MAN2B2: variants seen among roughly 807,000 people sequenced by gnomAD.
The protein encoded by MAN2B2 is mannosidase alpha class 2B member 2.
In MAN2B2, 106 loss-of-function variants were observed where a neutral mutation model predicts 117.1. The observed-to-expected ratio is 0.90, with a 90% CI of 0.77 to 1.06. The LOEUF is 1.06. MAN2B2 is among the 50% of genes least tolerant of loss of function. MAN2B2 has a pLI of 0.00. For synonymous variants in MAN2B2, 544 were observed against 595.1 expected (o/e 0.91, Z 1.25); for missense variants, 1,326 against 1,381.4 (o/e 0.96, Z 0.64).
intron 3 of MAN2B2, among the ~76,000 whole-genome samples, chr4:6,579,447 TCACCACCACCCTTCACCAC>T (rs1726337380): frequency 1.1e-5 from 1 of 95,218 alleles, no homozygotes; most frequent in Non-Finnish European, 2.1e-5. Context: ...CCCTTCACCA[TCACCACCACCCTTCACCAC>T]CACAATGACC....
intron 18 of MAN2B2, 103 bp from the exon 19 acceptor site, chr4:6,621,085 A>G: frequency 1.3e-6 from 1 of 782,290 alleles, no homozygotes; most frequent in Non-Finnish European, 2.2e-6. Flanking sequence ...GGTGAGAGGG[A>G]GGCTGGGAGC....
chr4:6,609,952 A>G lies in MAN2B2; in HGVS notation c.2161A>G (p.Thr721Ala), dbSNP rs769513954. 2.5e-6 allele frequency: 4 copies of G among 1,614,068 alleles called. No homozygotes were observed. The highest frequency in any genetic ancestry group is 3.4e-6 in the Non-Finnish European group (4 of 1,180,040). The change falls in exon 13 of 19, where the codon ACC becomes GCC. Residue 721 changes from threonine (T) to alanine (A), a missense_variant. Transcript: ENST00000285599. ...LNREAVLRTS[T>A]NLNSQQVIYS... ...CCGTGAGGCTGTCCTGAGGACCAGC[A>G]CCAACCTAAACAGCCAGCAGGTCAT...
chr4:6,609,886 C>T lies in MAN2B2; in HGVS notation c.2095C>T (p.Arg699Trp), dbSNP rs370321623. Residue 699 changes from arginine to tryptophan, a missense_variant, in exon 13 of 19, where the codon CGG becomes TGG. Coordinates refer to ENST00000285599, the MANE Select transcript of MAN2B2 (RefSeq NM_015274.3). ...CCATGACGGGGAGCTGCTCTGCCAC[C>T]GGATAGAGCAGGAGTACCAAGCCGG... ...QGHDGELLCH[R>W]IEQEYQAGPL... The T allele has an allele frequency of 1.7e-5, 28 of 1,614,006 alleles. No individual in the cohort carries two copies. The East Asian group carries it at 2.7e-4, about 15-fold the overall frequency.
At chr4:6,619,182 G>A (rs1712040308) in intron 17 of MAN2B2, 1 of 152,298 alleles carries the variant, frequency 6.6e-6, no homozygotes, top group Admixed American at 6.5e-5. Flanking sequence ...GATGTGCTTA[G>A]AACAGAGGAC....
At chr4:6,588,193 T>C (rs944665530) in intron 4 of MAN2B2, among the ~76,000 whole-genome samples, 1 of 152,146 alleles carries the variant, frequency 6.6e-6, no homozygotes, top group Non-Finnish European at 1.5e-5. Flanking sequence ...TTCTGGAGGC[T>C]GGAAGTCCAG....
At position 6,593,351 on chromosome 4, in the gene MAN2B2, G is replaced by C. The variant is rs918353256; in HGVS notation, c.858+1G>C. 1.9e-6 allele frequency: 3 copies of C among 1,610,522 alleles called. No individual in the cohort carries two copies. Among genetic ancestry groups the C allele is most frequent in the Admixed American group, 1.7e-5 (1 of 59,580 alleles). ...GACACCGCACGTCCTCTGGCCCTGG[G>C]TAAGGCAGAGTCCCAGGTGCTGTGC... On this transcript the variant is annotated splice_donor_variant, in intron 6 of 18. Coordinates refer to ENST00000285599, the MANE Select transcript of MAN2B2 (RefSeq NM_015274.3). LOFTEE classifies it high-confidence loss of function.
intron 9 of MAN2B2, among the ~76,000 whole-genome samples, chr4:6,600,080 G>A (rs901752124): frequency 2.6e-5 from 4 of 152,224 alleles, no homozygotes; most frequent in Admixed American, 6.5e-5. Context: ...AGGGATCCAG[G>A]AGTTCTCAGG....
rs750525581 is a variant in MAN2B2 at position 6,614,190 on chromosome 4, C to CTGTCTG, written c.2564-27_2564-26insGTCTGT. The CTGTCTG allele has an allele frequency of 5.0e-6, 8 of 1,609,970 alleles. No individual in the cohort carries two copies. The East Asian group carries it at 1.8e-4, about 36-fold the overall frequency. On this transcript the variant is annotated intron_variant, in intron 15 of 18. Coordinates refer to ENST00000285599, the MANE Select transcript of MAN2B2 (RefSeq NM_015274.3). ...GAGGAGGAGTTGAGCCCCAAACCCT[C>CTGTCTG]TCCTCACTCTGTCCATCTGCCTTGC... is the stretch of plus-strand genomic sequence containing the variant.
At chr4:6,591,674 G>C (rs928803396) in intron 5 of MAN2B2, among the ~76,000 whole-genome samples, 1 of 152,160 alleles carries the variant, frequency 6.6e-6, no homozygotes, top group African/African-American at 2.4e-5. Flanking sequence ...GGCCTTCAAG[G>C]CTCAGATGTC....
chr4:6,587,346 C>A (rs2108738880), intron 4 of MAN2B2, among the ~76,000 whole-genome samples, 178 bp downstream of exon 4: 1 of 152,290 alleles, frequency 6.6e-6, no homozygotes, highest in Middle Eastern at 3.4e-3. Context: ...ACCAGGAGGG[C>A]CCCCCTCCCT....
rs768266831 is a variant in MAN2B2, at chr4:6,587,034, C to T, written c.430C>T (p.Pro144Ser). ...GFLYETFGIRPQFSWHVDPFG... is the reference protein window; with the variant it reads ...GFLYETFGIRSQFSWHVDPFG... ...TCTCTATGAAACATTTGGGATCCGGCCACAGTTCTCCTGGCACGTTGACCC... is the reference window on the plus strand; with the variant it reads ...TCTCTATGAAACATTTGGGATCCGGTCACAGTTCTCCTGGCACGTTGACCC... The change falls in exon 4 of 19, where the codon CCA becomes TCA. Residue 144 changes from proline to serine, a missense_variant. By Grantham distance (74) the Pro-to-Ser change is moderately conservative (BLOSUM62 -1). Transcript: ENST00000285599. 6.2e-7 allele frequency: 1 copy of T among 1,614,046 alleles called. No homozygotes were observed. Among genetic ancestry groups the T allele is most frequent in the Admixed American group, 1.7e-5 (1 of 60,016 alleles).
At chr4:6,594,480 C>T in intron 6 of MAN2B2, 54 bp from the exon 7 acceptor site, 1 of 1,578,704 alleles carries the variant, frequency 6.3e-7, no homozygotes, top group African/African-American at 1.3e-5. Context: ...CCCACCCCCA[C>T]TGGGCGAGCG....
intron 10 of MAN2B2, among the ~76,000 whole-genome samples, chr4:6,601,392 T>A (rs1486003381): frequency 6.6e-6 from 1 of 150,758 alleles, no homozygotes. Context: ...GTATAATAAT[T>A]GGGAGGCTGA....
chr4:6,590,604 G>A lies in MAN2B2; in HGVS notation c.680+1444G>A, dbSNP rs112183175. Among the ~76,000 whole-genome samples the A allele has an allele frequency of 3.3e-3, 495 of 152,306 alleles. 3 individuals carry two copies. The highest frequency in any genetic ancestry group is 0.011 in the African/African-American group (467 of 41,572). On this transcript the variant is annotated intron_variant, in intron 5 of 18. Transcript: ENST00000285599. ...CCAGTGTCTCTCTAACACCCTCCAA[G>A]CTCACCTGCCCTCAACCCCAGTGAT...
intron 16 of MAN2B2, 26 bp downstream of exon 16, chr4:6,614,381 G>C: frequency 6.2e-7 from 1 of 1,608,504 alleles, no homozygotes; most frequent in Non-Finnish European, 8.5e-7. Context: ...TGGCGTCTCA[G>C]ACCTGCTCCT....
chr4:6,619,739 C>T, intron 17 of MAN2B2, 188 bp from the exon 18 acceptor site: 1 of 612,806 alleles, frequency 1.6e-6, no homozygotes, highest in Non-Finnish European at 2.9e-6. Flanking sequence ...CTGTAAAGTA[C>T]ACGGCCAGTC....
At chr4:6,598,636 G>T (rs952488962) in intron 9 of MAN2B2, among the ~76,000 whole-genome samples, 1 of 152,160 alleles carries the variant, frequency 6.6e-6, no homozygotes, top group Admixed American at 6.5e-5. Context: ...ATGCAGTATT[G>T]AATTTAATGC....
At position 6,622,189 on chromosome 4, in the gene MAN2B2, C is replaced by T. The variant is rs1712205798; in HGVS notation, c.*904C>T. 6.6e-6 allele frequency: 1 copy of T among 152,190 alleles called. No individual in the cohort carries two copies. The highest frequency in any genetic ancestry group is 2.4e-5 in the African/African-American group (1 of 41,456). The allele number at this position is 152,190 out of a possible 1,614,324, so 9.4% of individuals were successfully genotyped here. On this transcript the variant is annotated 3_prime_UTR_variant, in exon 19 of 19. Transcript: ENST00000285599. Reference sequence around the variant, plus strand: ...CAAATATTACGCTAAGTGAAAGAAGCCAATCACGAGTTTATGTGAAATGTC... The same window carrying T: ...CAAATATTACGCTAAGTGAAAGAAGTCAATCACGAGTTTATGTGAAATGTC...
intron 4 of MAN2B2, among the ~76,000 whole-genome samples, chr4:6,588,748 GAAGT>G (rs1726744115): frequency 2.0e-5 from 3 of 152,092 alleles, no homozygotes; most frequent in Non-Finnish European, 1.5e-5. Flanking sequence ...CACTTGGTGA[GAAGT>G]AATGAGCTTC....
Sources: allele counts gnomAD v4.1 joint callset (sites outside exome capture counted in the v4.1 genomes callset), GRCh38; gene constraint gnomAD v4.1.1; transcripts MANE v1.5; gene names NCBI Gene and HGNC (gene_info 2026-07-23, HGNC 2026-07-21).